The following SP100 variants were observed in gnomAD, a reference collection of about 807,000 sequenced individuals.
The protein encoded by SP100 is nuclear autoantigen Sp-100.
A neutral mutation model predicts 130.0 loss-of-function variants in SP100; 84 were observed. The observed-to-expected ratio is 0.65, with a 90% CI of 0.54 to 0.77. The LOEUF is 0.77. SP100 is among the 30% of genes least tolerant of loss of function. SP100 has a pLI of 0.00. For synonymous variants in SP100, 331 were observed against 351.7 expected, an observed-to-expected ratio of 0.94 and a Z score of 0.66; for missense variants, 978 against 1,052.2, an observed-to-expected ratio of 0.93 and a Z score of 0.97.
In SP100 at chr2:230,535,154, C is replaced by T. The variant is rs539587919; in HGVS notation, c.2095-4113C>T. On this transcript the variant is annotated intron_variant, in intron 24 of 28. Transcript: ENST00000340126. ...GAGGTTGCAGTGAGCCGAGATTGTG[C>T]CACTGCACTCTAGCCTGGGCGACAG... Among the ~76,000 whole-genome samples, 9 of 152,110 alleles carry T rather than the reference C, an allele frequency of 5.9e-5. No individual in the cohort carries two copies. In the South Asian group the frequency reaches 1.9e-3, roughly 32 times the overall value.
Position 230,541,388 on chromosome 2 carries a change from AC to A in SP100, c.2403+17del. ...ACCGTATTATGTAAGTAACAGCCAA[AC>A]AAAAATGCTTATACTGGCATTTGTC... On this transcript the variant is annotated intron_variant, in intron 27 of 28. Transcript: ENST00000340126. 1 of 1,605,244 alleles carries A rather than the reference AC, an allele frequency of 6.2e-7. No individual in the cohort carries two copies. The highest frequency in any genetic ancestry group is 8.5e-7 in the Non-Finnish European group (1 of 1,172,148).
chr2:230,495,253 A>C (rs1254938852), intron 18 of SP100, among the ~76,000 whole-genome samples: 1 of 152,222 alleles, frequency 6.6e-6, no homozygotes, highest in Non-Finnish European at 1.5e-5. Flanking sequence ...GAGAACTTGA[A>C]TCAATTACAT....
intron 24 of SP100, among the ~76,000 whole-genome samples, chr2:230,533,757 C>G (rs974006574): frequency 2.0e-5 from 3 of 152,162 alleles, no homozygotes; most frequent in Non-Finnish European, 4.4e-5. Flanking sequence ...CACACTGATT[C>G]AAGGCCAGAG....
At chr2:230,450,092 G>A (rs761045798) in intron 7 of SP100, 80 bp from the exon 8 acceptor site, 2 of 928,206 alleles carry the variant, frequency 2.2e-6, no homozygotes, top group South Asian at 1.5e-5. Flanking sequence ...GAAAGGAGAA[G>A]CAGGGTGAGG....
At chr2:230,541,161 C>G (rs1225590970) in intron 26 of SP100, 140 bp from the exon 27 acceptor site, 1 of 1,230,934 alleles carries the variant, frequency 8.1e-7, no homozygotes, top group Non-Finnish European at 1.1e-6. Flanking sequence ...AAAGAAAAAT[C>G]CCGGTCCAAA....
chr2:230,478,988 T>G lies in SP100; in HGVS notation c.1600+4541T>G, dbSNP rs184531194. Among the ~76,000 whole-genome samples, 761 of 152,248 alleles carry G rather than the reference T, an allele frequency of 5.0e-3. 6 individuals carry two copies. The highest frequency in any genetic ancestry group is 0.017 in the African/African-American group (706 of 41,562). On this transcript the variant is annotated intron_variant, in intron 17 of 28. Transcript: ENST00000340126. ...TGTGCCCACCACCATGCCTGGCTAA[T>G]TTTTGTATTTTTAGTAGAGATGAGG...
intron 8 of SP100, among the ~76,000 whole-genome samples, chr2:230,453,834 C>T (rs550876370): frequency 1.3e-5 from 2 of 152,284 alleles, no homozygotes; most frequent in South Asian, 4.1e-4. Context: ...GAAGTAGTCC[C>T]TCTTATTCAA....
intron 24 of SP100, chr2:230,515,554 G>C: frequency 6.3e-7 from 1 of 1,598,314 alleles, no homozygotes; most frequent in Non-Finnish European, 8.5e-7. Flanking sequence ...AGTTGTCAAG[G>C]CTGAAAAAAG....
chr2:230,528,555 G>T (rs1691541985), intron 24 of SP100, among the ~76,000 whole-genome samples: 1 of 152,078 alleles, frequency 6.6e-6, no homozygotes, highest in Non-Finnish European at 1.5e-5. Flanking sequence ...AAAGCTAACA[G>T]AAAGCAAGAA....
chr2:230,452,812 C>A (rs11675846), intron 8 of SP100, among the ~76,000 whole-genome samples: 1 of 136,634 alleles, frequency 7.3e-6, no homozygotes, highest in African/African-American at 2.7e-5. Context: ...TTTATTAGTT[C>A]TAGCAGTTTT....
chr2:230,537,708 C>T (rs955431177), intron 24 of SP100: 2 of 152,230 alleles, frequency 1.3e-5, no homozygotes, highest in Admixed American at 6.5e-5. Flanking sequence ...CCCCCGCAAC[C>T]GCCTGACAAA....
intron 17 of SP100, among the ~76,000 whole-genome samples, chr2:230,488,220 A>G (rs2066211192): frequency 6.6e-6 from 1 of 152,082 alleles, no homozygotes; most frequent in African/African-American, 2.4e-5. Context: ...TTCCAATACT[A>G]TGTTGAACGG....
rs61733089 is a variant in SP100 at position 230,515,431 on chromosome 2, G to A, written c.2094+4265G>A. 1.5e-3 allele frequency: 2,454 copies of A among 1,613,740 alleles called. 36 individuals carry two copies. The African/African-American group carries it at 0.029, about 19-fold the overall frequency. On this transcript the variant is annotated intron_variant, in intron 24 of 28. Transcript: ENST00000340126. ...ACTGGCAGGGATGTGGAATAACACC[G>A]CTGCAGCTGACAAGCAGTTTTATGA... is the stretch of plus-strand genomic sequence containing the variant.
chr2:230,443,161 T>C, intron 3 of SP100, 62 bp downstream of exon 3: 4 of 1,533,432 alleles, frequency 2.6e-6, no homozygotes, highest in Non-Finnish European at 3.6e-6. Flanking sequence ...TATGCTTTGA[T>C]ATCCTAGACC....
At chr2:230,442,833 A>G (rs2063523320) in intron 2 of SP100, 104 bp from the exon 3 acceptor site, 5 of 955,260 alleles carry the variant, frequency 5.2e-6, no homozygotes, top group Non-Finnish European at 8.2e-6. Context: ...TAATTTATAT[A>G]TGTTCATTCT....
At chr2:230,493,642 C>T (rs533329529) in intron 17 of SP100, 1 of 152,044 alleles carries the variant, frequency 6.6e-6, no homozygotes, top group East Asian at 1.9e-4. Context: ...AATTTGTCTT[C>T]ATTTCTCTGA....
At chr2:230,470,419 T>C in intron 15 of SP100, 2 of 1,010,218 alleles carry the variant, frequency 2.0e-6, no homozygotes, top group African/African-American at 3.5e-5. Flanking sequence ...ATTTTTATAG[T>C]GATAAATGGG....
rs2149980711 is a variant in SP100, at chr2:230,466,342, T to G, written c.1183T>G (p.Phe395Val). 3.2e-6 allele frequency: 5 copies of G among 1,569,880 alleles called. No individual in the cohort carries two copies. The Middle Eastern group carries it at 5.0e-4, about 158-fold the overall frequency. The change falls in exon 12 of 29, where the codon TTT becomes GTT. Residue 395 changes from phenylalanine to valine, a missense_variant. Transcript: ENST00000340126. ...FRKLSTFRES[F>V]KKRVIGQDHD... ...AAAATTATCTACATTCAGAGAAAGT[T>G]TTAAGAAAAGAGGTAAGAGAAAGCT...
At chr2:230,537,945 G>A (rs1168390241) in intron 24 of SP100, 1 of 152,386 alleles carries the variant, frequency 6.6e-6, no homozygotes, top group East Asian at 1.9e-4. Flanking sequence ...GCAAGTGAGA[G>A]GCAGAGCCCA....
Sources: gnomAD v4.1 joint callset for allele counts (sites outside exome capture counted in the v4.1 genomes callset) on GRCh38, gnomAD v4.1.1 for gene constraint, MANE v1.5 for transcripts, NCBI Gene and HGNC (gene_info 2026-07-23, HGNC 2026-07-21) for gene names.